The following ANKRD31 variants were observed in gnomAD, a reference collection of about 807,000 sequenced individuals.
ANKRD31 encodes ankyrin repeat domain-containing protein 31.
In ANKRD31, 147 loss-of-function variants were observed where a neutral mutation model predicts 186.0. The ratio of observed to expected loss-of-function variants is 0.79; its 90% CI spans 0.69 to 0.91. The LOEUF is 0.91. Among genes scored for constraint, ANKRD31 ranks in the 40% least tolerant of loss-of-function variants. The pLI is 0.00. For synonymous variants in ANKRD31, 673 were observed against 736.4 expected (o/e 0.91, Z 1.39); for missense variants, 1,986 against 2,148.8 (o/e 0.92, Z 1.50).
intron 25 of ANKRD31, among the ~76,000 whole-genome samples, chr5:75,077,417 A>G (rs1744734476): frequency 1.3e-5 from 2 of 152,188 alleles, no homozygotes; most frequent in South Asian, 4.1e-4. Flanking sequence ...ATTAAAAGCC[A>G]CCTGAAAAAC....
chr5:75,120,810 GAT>G (rs1748702047), intron 17 of ANKRD31, among the ~76,000 whole-genome samples: 1 of 152,146 alleles, frequency 6.6e-6, no homozygotes, highest in Non-Finnish European at 1.5e-5. Flanking sequence ...CCACTTAAAA[GAT>G]ATAGATAGGC....
At position 75,104,927 on chromosome 5, in the gene ANKRD31, C is replaced by T; in HGVS notation, c.4632G>A (p.Leu1544=). 2 of 1,537,088 alleles carry T rather than the reference C, an allele frequency of 1.3e-6. No homozygotes were observed. The highest frequency in any genetic ancestry group is 1.7e-6 in the Non-Finnish European group (2 of 1,146,888). Residue 1544 remains leucine (L), a synonymous_variant, in exon 22 of 26, where the codon TTG becomes TTA. Transcript: ENST00000506364. ...GGCTGTAGTTCCAAGTTTCCAGAGA[C>T]AATTGTGTTTCCTGCATGCTTCCAG... ...PVSGSMQETQ[L]SLETWNYSQN... is the part of the protein sequence containing the mutation.
chr5:75,226,383 T>A (rs1342656814), intron 2 of ANKRD31, among the ~76,000 whole-genome samples: 1 of 152,064 alleles, frequency 6.6e-6, no homozygotes, highest in African/African-American at 2.4e-5. Context: ...TCTGACCCAG[T>A]GGTGGTGGCT....
At chr5:75,097,700 G>A (rs1332033800) in intron 22 of ANKRD31, among the ~76,000 whole-genome samples, 1 of 152,170 alleles carries the variant, frequency 6.6e-6, no homozygotes, top group East Asian at 1.9e-4. Flanking sequence ...TGTTGCCATT[G>A]CTTTTGGTGT....
intron 19 of ANKRD31, among the ~76,000 whole-genome samples, chr5:75,116,201 T>C (rs1216580585): frequency 1.2e-4 from 17 of 136,782 alleles, no homozygotes; most frequent in Non-Finnish European, 2.3e-4. Flanking sequence ...TAGGTGGGAA[T>C]TGAACAATGA....
At chr5:75,143,876 T>G (rs563785407) in intron 15 of ANKRD31, 125 bp downstream of exon 15, 2 of 391,682 alleles carry the variant, frequency 5.1e-6, no homozygotes, top group South Asian at 2.9e-4. Context: ...GAAATAGTCA[T>G]ATAAGTCAGT....
chr5:75,144,262 G>A (rs1751267219), intron 14 of ANKRD31, 91 bp from the exon 15 acceptor site: 1 of 392,212 alleles, frequency 2.5e-6, no homozygotes, highest in South Asian at 1.4e-4. Flanking sequence ...TAAAGTTTCT[G>A]TTCCACACTG....
intron 6 of ANKRD31, 111 bp from the exon 7 acceptor site, chr5:75,196,311 TATC>T (rs1411831312): frequency 2.3e-5 from 19 of 828,906 alleles, no homozygotes; most frequent in Middle Eastern, 4.0e-4. Flanking sequence ...CCTCAAAATT[TATC>T]ATCAACTTTC....
At chr5:75,210,687 A>G in intron 4 of ANKRD31, 141 bp downstream of exon 4, 2 of 548,672 alleles carry the variant, frequency 3.6e-6, no homozygotes, top group South Asian at 7.9e-5. Context: ...ATGTAAAATA[A>G]CATATACTTT....
intron 11 of ANKRD31, among the ~76,000 whole-genome samples, chr5:75,164,786 G>C (rs1752809032): frequency 6.6e-6 from 1 of 152,136 alleles, no homozygotes; most frequent in Non-Finnish European, 1.5e-5. Flanking sequence ...TTTCCTGAAA[G>C]AAACCAATGC....
Position 75,118,188 on chromosome 5 carries a change from G to A in ANKRD31, c.3986C>T (p.Ser1329Phe), listed in dbSNP as rs1251694703. 2 of 1,526,974 alleles carry A rather than the reference G, an allele frequency of 1.3e-6. No individual in the cohort carries two copies. The highest frequency in any genetic ancestry group is 2.5e-5 in the East Asian group (1 of 40,606). The allele number at this position is 1,526,974 out of a possible 1,614,324, so 94.6% of individuals were successfully genotyped here. Reference protein sequence around the residue: ...DDEKMKELLRSYGAIETVNRD... With the variant: ...DDEKMKELLRFYGAIETVNRD... ...ATTAACAGTCTCAATAGCACCATAAGATCTTAGTAATTCTTTCATTTTTTC... is the reference window on the plus strand; with the variant it reads ...ATTAACAGTCTCAATAGCACCATAAAATCTTAGTAATTCTTTCATTTTTTC... The change falls in exon 18 of 26, where the codon TCT (serine) becomes TTT (phenylalanine). Residue 1329 changes from serine (S) to phenylalanine (F), a missense_variant. Transcript: ENST00000506364.
rs1420270839 is a variant in ANKRD31 at position 75,188,462 on chromosome 5, A to C, written c.1564+31T>G. The C allele has an allele frequency of 5.3e-6, 8 of 1,522,390 alleles. No homozygotes were observed. The Admixed American group carries it at 1.6e-4, about 31-fold the overall frequency. 94.3% of individuals were successfully genotyped at this position (1,522,390 alleles called of 1,614,324 possible). A position where few individuals can be genotyped will look rare whatever the true frequency, so the allele number is the denominator to read the frequency against. Reference sequence around the variant, plus strand: ...TCAGCTGAAACTACAAACCACTCTTAAGGTAACTGTGGGTGGTAATCCTAA... The same window carrying C: ...TCAGCTGAAACTACAAACCACTCTTCAGGTAACTGTGGGTGGTAATCCTAA... On this transcript the variant is annotated intron_variant, in intron 10 of 25. Transcript: ENST00000506364.
chr5:75,168,906 A>G lies in ANKRD31; in HGVS notation c.1707+73T>C, dbSNP rs1187257469. The G allele has an allele frequency of 3.8e-6, 5 of 1,325,742 alleles. No homozygotes were observed. In the South Asian group the frequency reaches 5.1e-5, roughly 13 times the overall value. The allele number at this position is 1,325,742 out of a possible 1,614,324, so 82.1% of individuals were successfully genotyped here. A position where few individuals can be genotyped will look rare whatever the true frequency, so the allele number is the denominator to read the frequency against. On this transcript the variant is annotated intron_variant, in intron 11 of 25. Coordinates refer to ENST00000506364, the MANE Select transcript of ANKRD31 (RefSeq NM_001372053.1). ...AACTAAAATTTCTGTATGTTTTTCT[A>G]TTGTGTGGTCCCAGAGATATTTAAT... is the stretch of plus-strand genomic sequence containing the variant.
intron 22 of ANKRD31, among the ~76,000 whole-genome samples, chr5:75,103,266 C>T (rs974603215): frequency 6.6e-6 from 1 of 152,174 alleles, no homozygotes; most frequent in Non-Finnish European, 1.5e-5. Context: ...CATCACTGAT[C>T]ATTAGACAAA....
At chr5:75,200,941 C>T (rs1274480831) in intron 5 of ANKRD31, among the ~76,000 whole-genome samples, 1 of 151,608 alleles carries the variant, frequency 6.6e-6, no homozygotes, top group Non-Finnish European at 1.5e-5. Flanking sequence ...AAAAAAGACC[C>T]AAATATTCTG....
At chr5:75,205,178 T>A (rs1395487753) in intron 5 of ANKRD31, among the ~76,000 whole-genome samples, 1 of 152,220 alleles carries the variant, frequency 6.6e-6, no homozygotes, top group Admixed American at 6.5e-5. Context: ...TCCTTAAACA[T>A]CCTGCTGTAG....
At chr5:75,138,588 C>A (rs1230595280) in intron 16 of ANKRD31, among the ~76,000 whole-genome samples, 1 of 152,124 alleles carries the variant, frequency 6.6e-6, no homozygotes, top group Non-Finnish European at 1.5e-5. Flanking sequence ...AGGAAAAGGC[C>A]TAACTCCCTT....
At chr5:75,121,588 A>C (rs1748799293) in intron 17 of ANKRD31, among the ~76,000 whole-genome samples, 2 of 152,204 alleles carry the variant, frequency 1.3e-5, no homozygotes, top group African/African-American at 2.4e-5. Context: ...AAATGGAAAA[A>C]AATTGAAATC....
chr5:75,203,673 AAAAAGAAAAG>A lies in ANKRD31; in HGVS notation c.403+2728_403+2737del, dbSNP rs1554092025. ...GAGAGGATCCATCTCAAAAAAAAAA[AAAAAGAAAAG>A]AAAAGAAAAGAAAAGAAAATACCCA... On this transcript the variant is annotated intron_variant, in intron 5 of 25. Transcript: ENST00000506364. 1.5e-3 allele frequency among the ~76,000 whole-genome samples: 221 copies of A among 148,286 alleles called. 4 individuals are homozygous for A. Among genetic ancestry groups the A allele is most frequent in the Middle Eastern group, 3.5e-3 (1 of 284 alleles).
Sources: allele counts gnomAD v4.1 joint callset (sites outside exome capture counted in the v4.1 genomes callset), GRCh38; gene constraint gnomAD v4.1.1; transcripts MANE v1.5; gene names NCBI Gene and HGNC (gene_info 2026-07-23, HGNC 2026-07-21).